OPHN1: variants seen among roughly 807,000 people sequenced by gnomAD.
The protein encoded by OPHN1 is oligophrenin 1.
Under a neutral mutation model 60.7 loss-of-function variants are expected in OPHN1, and 11 were observed. The observed-to-expected ratio is 0.18, with a 90% CI of 0.11 to 0.30. The LOEUF (loss-of-function observed/expected upper bound fraction) is 0.30, where lower values mean the gene tolerates loss of function less well. OPHN1 is among the 10% of genes least tolerant of loss of function. OPHN1 has a pLI of 1.00. For synonymous variants in OPHN1, 226 were observed against 222.6 expected, an observed-to-expected ratio of 1.02 and a Z score of -0.14; for missense variants, 449 against 611.0, an observed-to-expected ratio of 0.73 and a Z score of 2.80.
At chrX:68,096,775 A>G (rs1002171561) in intron 19 of OPHN1, 95 bp downstream of exon 19, 15 of 892,438 alleles carry the variant, frequency 1.7e-5, no homozygotes, top group Non-Finnish European at 2.3e-5. Context: ...TTTCACTGTC[A>G]ACGTGAGCCA....
intron 15 of OPHN1, 183 bp downstream of exon 15, chrX:68,192,736 C>A (rs2077494535): frequency 1.1e-5 from 5 of 440,013 alleles, no homozygotes; most frequent in Non-Finnish European, 1.2e-5. Flanking sequence ...GGAGAGATAA[C>A]AGCCATTTTC....
chrX:68,099,535 T>A (rs1285830572), intron 18 of OPHN1, among the ~76,000 whole-genome samples: 1 of 111,880 alleles, frequency 8.9e-6, no homozygotes, highest in Non-Finnish European at 1.9e-5. Context: ...AGACACACCA[T>A]CAACAGAATA....
rs187955518 is a variant in OPHN1 at position 68,309,200 on chromosome X, C to G, written c.155-10104G>C. On this transcript the variant is annotated intron_variant, in intron 2 of 24. Coordinates refer to ENST00000355520, the MANE Select transcript of OPHN1 (RefSeq NM_002547.3). ...TGTACAATCTCTACAGTTCCAGATG[C>G]CCTAAGAAACCCATGTTAAGAACCA... Among the ~76,000 whole-genome samples the G allele has an allele frequency of 8.1e-5, 9 of 111,528 alleles. No individual in the cohort carries two copies. The Admixed American group carries it at 8.7e-4, about 11-fold the overall frequency.
intron 4 of OPHN1, among the ~76,000 whole-genome samples, chrX:68,280,268 C>G (rs2078013729): frequency 8.9e-6 from 1 of 111,911 alleles, no homozygotes; most frequent in African/African-American, 3.3e-5. Context: ...TCAGTATTTT[C>G]CCCTTATAAA....
chrX:68,387,578 T>C (rs1005725450), intron 2 of OPHN1, among the ~76,000 whole-genome samples: 29 of 111,842 alleles, frequency 2.6e-4, no homozygotes, highest in Admixed American at 8.7e-4. Context: ...TTAAGCTCCA[T>C]AAAAGGGACT....
At chrX:68,063,520 C>CAA (rs750825620) in intron 21 of OPHN1, among the ~76,000 whole-genome samples, 10 of 50,582 alleles carry the variant, frequency 2.0e-4, no homozygotes, top group African/African-American at 7.1e-4. Context: ...GACTCCGTCT[C>CAA]AAAAAAAAAA....
At chrX:68,421,803 G>A (rs996267784) in intron 2 of OPHN1, among the ~76,000 whole-genome samples, 1 of 111,320 alleles carries the variant, frequency 9.0e-6, no homozygotes, top group Non-Finnish European at 1.9e-5. Context: ...AAAATTCCAA[G>A]CTGCCTTAGG....
intron 9 of OPHN1, among the ~76,000 whole-genome samples, chrX:68,209,346 C>G (rs1318990006): frequency 1.8e-5 from 2 of 112,099 alleles, no homozygotes; most frequent in Non-Finnish European, 3.8e-5. Context: ...ATGATGTTCA[C>G]TAAGTGCTAT....
Position 68,409,458 on chromosome X carries a change from A to T in OPHN1, c.154+23409T>A, listed in dbSNP as rs777873990. On this transcript the variant is annotated intron_variant, in intron 2 of 24. Transcript: ENST00000355520. ...GGTGATTATCACTAGGCAGGGGATTATAAACTTTGCAGACCAAAATCTCTT... is the reference window on the plus strand; with the variant it reads ...GGTGATTATCACTAGGCAGGGGATTTTAAACTTTGCAGACCAAAATCTCTT... Among the ~76,000 whole-genome samples, 4 of 111,698 alleles carry T rather than the reference A, an allele frequency of 3.6e-5. No individual in the cohort carries two copies. The East Asian group carries it at 1.1e-3, about 31-fold the overall frequency.
intron 2 of OPHN1, among the ~76,000 whole-genome samples, chrX:68,302,607 G>GA (rs1245919057): frequency 1.0e-3 from 112 of 109,125 alleles, no homozygotes; most frequent in Non-Finnish European, 1.8e-3. Flanking sequence ...AAAGAAAAAA[G>GA]AAAAAAAAGA....
At chrX:68,141,896 A>G (rs1362207428) in intron 15 of OPHN1, among the ~76,000 whole-genome samples, 1 of 96,053 alleles carries the variant, frequency 1.0e-5, no homozygotes, top group African/African-American at 3.9e-5. Flanking sequence ...AAAGATGGTG[A>G]TGTTAATTAA....
intron 2 of OPHN1, among the ~76,000 whole-genome samples, chrX:68,366,500 T>C (rs2078499704): frequency 9.1e-6 from 1 of 109,376 alleles, no homozygotes; most frequent in South Asian, 4.0e-4. Flanking sequence ...AGACAATTAA[T>C]TTGTGTGTAT....
intron 19 of OPHN1, among the ~76,000 whole-genome samples, chrX:68,093,094 C>T (rs1012290530): frequency 9.0e-6 from 1 of 111,051 alleles, no homozygotes; most frequent in Non-Finnish European, 1.9e-5. Context: ...ATGTGGATGA[C>T]CCTTCAGCAA....
chrX:68,307,325 G>A (rs1471075607), intron 2 of OPHN1, among the ~76,000 whole-genome samples: 1 of 108,833 alleles, frequency 9.2e-6, no homozygotes, highest in Non-Finnish European at 1.9e-5. Context: ...ATGGTGGTGT[G>A]CACCTGTAGT....
chrX:68,320,348 C>CA (rs1427288521), intron 2 of OPHN1, among the ~76,000 whole-genome samples: 6 of 110,521 alleles, frequency 5.4e-5, no homozygotes, highest in Middle Eastern at 4.7e-3. Flanking sequence ...GCCTCCGTCT[C>CA]AAAAAAATAT....
chrX:68,084,225 A>C (rs997043004), intron 19 of OPHN1, among the ~76,000 whole-genome samples: 2 of 107,299 alleles, frequency 1.9e-5, no homozygotes, highest in East Asian at 6.0e-4. Context: ...CATACTGAGC[A>C]CTCAGTAAGT....
At chrX:68,374,868 C>T (rs188467064) in intron 2 of OPHN1, among the ~76,000 whole-genome samples, 2 of 112,071 alleles carry the variant, frequency 1.8e-5, no homozygotes, top group Admixed American at 9.5e-5. Flanking sequence ...CCTGAAAATA[C>T]GTTCAACGTC....
intron 2 of OPHN1, among the ~76,000 whole-genome samples, chrX:68,377,429 T>TTA (rs1569296376): frequency 2.6e-4 from 27 of 105,838 alleles, no homozygotes; most frequent in African/African-American, 8.0e-4. Context: ...TTTTTTATTT[T>TTA]TTATTATTAT....
At chrX:68,090,363 T>C (rs999114067) in intron 19 of OPHN1, among the ~76,000 whole-genome samples, 1 of 110,496 alleles carries the variant, frequency 9.1e-6, no homozygotes, top group Non-Finnish European at 1.9e-5. Flanking sequence ...TAACTATATA[T>C]TTACATTTAC....
Sources: allele counts gnomAD v4.1 joint callset (sites outside exome capture counted in the v4.1 genomes callset), GRCh38; gene constraint gnomAD v4.1.1; transcripts MANE v1.5; gene names NCBI Gene and HGNC (gene_info 2026-07-23, HGNC 2026-07-21).